Variants in TMEM186 observed in about 807,000 individuals in gnomAD.
The protein encoded by TMEM186 is transmembrane protein 186.
In TMEM186, 2 loss-of-function variants were observed where a neutral mutation model predicts 2.5. That is an observed-to-expected ratio of 0.79 (90% CI 0.32 to 2.50). The LOEUF is 2.50. TMEM186 is among the 30% of genes most tolerant of loss of function. The pLI is 0.11. For synonymous variants in TMEM186, 120 were observed against 104.9 expected, an observed-to-expected ratio of 1.14 and a Z score of -0.88; for missense variants, 321 against 276.5, an observed-to-expected ratio of 1.16 and a Z score of -1.14.
In TMEM186 at chr16:8,795,806, A is replaced by G; in HGVS notation, c.*146T>C. ...CTGTACACCAGCTCTTGCCTTGTGA[A>G]TTTATTCACCACAAAACACATGTTC... On this transcript the variant is annotated 3_prime_UTR_variant, in exon 2 of 2. Transcript: ENST00000333050. 2 of 988,486 alleles carry G rather than the reference A, an allele frequency of 2.0e-6. No homozygotes were observed. Among genetic ancestry groups the G allele is most frequent in the Admixed American group, 4.7e-5 (2 of 42,974 alleles). 61.2% of individuals were successfully genotyped at this position (988,486 alleles called of 1,614,324 possible).
chr16:8,797,583 C>G (rs1417591947), intron 1 of TMEM186, 29 bp downstream of exon 1: 1 of 1,600,606 alleles, frequency 6.2e-7, no homozygotes, highest in Non-Finnish European at 8.5e-7. Flanking sequence ...GAGCATCACC[C>G]CCTCAAGGCT....
At chr16:8,797,475 C>A (rs1444309457) in intron 1 of TMEM186, 137 bp downstream of exon 1, 15 of 1,171,196 alleles carry the variant, frequency 1.3e-5, no homozygotes, top group Admixed American at 2.7e-5. Context: ...CCGGGAAAAG[C>A]GAACTGTAAC....
Position 8,795,915 on chromosome 16 carries a change from C to T in TMEM186, c.*37G>A, listed in dbSNP as rs376903674. On this transcript the variant is annotated 3_prime_UTR_variant, in exon 2 of 2. Transcript: ENST00000333050. ...CCCTCAGCCTTCCTGTTAATCCAGG[C>T]GACCCAGGGTTACCCAGAGGTCCAG... The T allele has an allele frequency of 8.9e-6, 14 of 1,576,784 alleles. No homozygotes were observed. Among genetic ancestry groups the T allele is most frequent in the African/African-American group, 4.0e-5 (3 of 74,126 alleles).
Position 8,797,597 on chromosome 16 carries a change from C to T in TMEM186, c.3+15G>A, listed in dbSNP as rs1401223776. On this transcript the variant is annotated intron_variant, in intron 1 of 1. Coordinates refer to ENST00000333050, the MANE Select transcript of TMEM186 (RefSeq NM_015421.4). ...AGAGCATCACCCCCTCAAGGCTCGC[C>T]ACCCGCCTCCTTACCATGGCCCCAC... 2.5e-6 allele frequency: 4 copies of T among 1,603,610 alleles called. No homozygotes were observed. In the African/African-American group the frequency reaches 5.4e-5, roughly 22 times the overall value.
chr16:8,795,284 C>A lies in TMEM186; in HGVS notation c.*668G>T, dbSNP rs1004691426. 6.6e-6 allele frequency: 1 copy of A among 152,322 alleles called. No homozygotes were observed. The highest frequency in any genetic ancestry group is 2.4e-5 in the African/African-American group (1 of 41,426). 9.4% of individuals were successfully genotyped at this position (152,322 alleles called of 1,614,324 possible). On this transcript the variant is annotated 3_prime_UTR_variant, in exon 2 of 2. Coordinates refer to ENST00000333050, the MANE Select transcript of TMEM186 (RefSeq NM_015421.4). ...AACTGGGGTTTCGTGCCTACCTGGA[C>A]GACATCTGCTCGTCAATGTGTAGTT... is the stretch of plus-strand genomic sequence containing the variant.
At position 8,796,181 on chromosome 16, in the gene TMEM186, G is replaced by A. The variant is rs1176846891; in HGVS notation, c.413C>T (p.Thr138Ile). ...GTTCAGATGGGCCACCCGCAGCATGGTGCCAGACTCATTCAGATACAGGAT... is the reference window on the plus strand; with the variant it reads ...GTTCAGATGGGCCACCCGCAGCATGATGCCAGACTCATTCAGATACAGGAT... Reference protein sequence around the residue: ...VGILYLNESGTMLRVAHLNFW... With the variant: ...VGILYLNESGIMLRVAHLNFW... Residue 138 changes from threonine (T) to isoleucine (I), a missense_variant, in exon 2 of 2, where the codon ACC (threonine) becomes ATC (isoleucine). Transcript: ENST00000333050. 1.9e-6 allele frequency: 3 copies of A among 1,614,090 alleles called. No individual in the cohort carries two copies. Among genetic ancestry groups the A allele is most frequent in the African/African-American group, 1.3e-5 (1 of 74,926 alleles).
intron 1 of TMEM186, among the ~76,000 whole-genome samples, chr16:8,797,177 A>T (rs2060582227): frequency 6.6e-6 from 1 of 152,180 alleles, no homozygotes; most frequent in East Asian, 1.9e-4. Flanking sequence ...GGAGAAGGAG[A>T]AGGAGCGAGG....
rs1358340444 is a variant in TMEM186 at position 8,795,586 on chromosome 16, T to A, written c.*366A>T. 5.0e-6 allele frequency: 1 copy of A among 198,052 alleles called. No individual in the cohort carries two copies. Among genetic ancestry groups the A allele is most frequent in the Non-Finnish European group, 1.0e-5 (1 of 95,866 alleles). 12.3% of individuals were successfully genotyped at this position (198,052 alleles called of 1,614,324 possible). Reference sequence around the variant, plus strand: ...CCTGCTCCAGGACAAATGACAGAACTGAGACTTCTGACTCCAAATCTTACG... The same window carrying A: ...CCTGCTCCAGGACAAATGACAGAACAGAGACTTCTGACTCCAAATCTTACG... On this transcript the variant is annotated 3_prime_UTR_variant, in exon 2 of 2. Transcript: ENST00000333050.
chr16:8,795,970 T>G lies in TMEM186; in HGVS notation c.624A>C (p.Val208=), dbSNP rs757755583. The part of the protein sequence containing the change: ...DRERFTQVFG[V]HQMLK Reference sequence around the variant, plus strand: ...CAGTTGTTCACTTGAGCATCTGATGTACCCCAAACACCTGTGTGAAACGCT... The same window carrying G: ...CAGTTGTTCACTTGAGCATCTGATGGACCCCAAACACCTGTGTGAAACGCT... Residue 208 remains valine (V), a synonymous_variant, in exon 2 of 2, where the codon GTA becomes GTC. Coordinates refer to ENST00000333050, the MANE Select transcript of TMEM186 (RefSeq NM_015421.4). The G allele has an allele frequency of 3.7e-6, 6 of 1,612,910 alleles. No homozygotes were observed. The highest frequency in any genetic ancestry group is 5.1e-6 in the Non-Finnish European group (6 of 1,179,096).
intron 1 of TMEM186, 40 bp from the exon 2 acceptor site, chr16:8,796,630 A>C (rs766023392): frequency 1.3e-6 from 2 of 1,593,542 alleles, no homozygotes; most frequent in Middle Eastern, 1.7e-4. Flanking sequence ...CATGGAACTC[A>C]ACCACATTAA....
rs2060572475 is a variant in TMEM186 at position 8,795,967 on chromosome 16, A to AT, written c.626dup (p.His209GlnfsTer22). The AT allele has an allele frequency of 1.9e-6, 3 of 1,612,752 alleles. No individual in the cohort carries two copies. In the African/African-American group the frequency reaches 4.0e-5, roughly 22 times the overall value. Reference sequence around the variant, plus strand: ...TCCCAGTTGTTCACTTGAGCATCTGATGTACCCCAAACACCTGTGTGAAAC... The same window carrying AT: ...TCCCAGTTGTTCACTTGAGCATCTGATTGTACCCCAAACACCTGTGTGAAAC... On this transcript the variant is annotated frameshift_variant, in exon 2 of 2. Coordinates refer to ENST00000333050, the MANE Select transcript of TMEM186 (RefSeq NM_015421.4). LOFTEE classifies it high-confidence loss of function.
intron 1 of TMEM186, 41 bp from the exon 2 acceptor site, chr16:8,796,631 A>G (rs1027964125): frequency 1.3e-6 from 2 of 1,593,286 alleles, no homozygotes; most frequent in African/African-American, 2.7e-5. Context: ...ATGGAACTCA[A>G]CCACATTAAT....
Position 8,796,715 on chromosome 16 carries a change from A to G in TMEM186, c.4-125T>C, listed in dbSNP as rs115790058. ...CCTGCAAGGTAACCGTTATTGCCAG[A>G]CGAGGGAAGGGTAAAGCCAGATGCT... On this transcript the variant is annotated intron_variant, in intron 1 of 1. Transcript: ENST00000333050. 2.0e-3 allele frequency: 2,459 copies of G among 1,227,536 alleles called. 40 individuals are homozygous for G. The African/African-American group carries it at 0.034, about 17-fold the overall frequency. The allele number at this position is 1,227,536 out of a possible 1,614,324, so 76.0% of individuals were successfully genotyped here.
At position 8,796,454 on chromosome 16, in the gene TMEM186, T is replaced by C. The variant is rs767285026; in HGVS notation, c.140A>G (p.Lys47Arg). 19 of 1,614,098 alleles carry C rather than the reference T, an allele frequency of 1.2e-5. No individual in the cohort carries two copies. Among genetic ancestry groups the C allele is most frequent in the Non-Finnish European group, 1.6e-5 (19 of 1,180,042 alleles). ...TTTCTCAGTCTCTGCGTTTGGTAGT[T>C]TCTCCTTCGAGATGGGTGAACTGCT... Reference protein sequence around the residue: ...VGSSSPISKEKLPNAETEKFW... With the variant: ...VGSSSPISKERLPNAETEKFW... Residue 47 changes from lysine (K) to arginine (R), a missense_variant, in exon 2 of 2, where the codon AAA becomes AGA. Coordinates refer to ENST00000333050, the MANE Select transcript of TMEM186 (RefSeq NM_015421.4).
In TMEM186 at chr16:8,795,988, G is replaced by C. The variant is rs143358812; in HGVS notation, c.606C>G (p.Phe202Leu). ...TCTGATGTACCCCAAACACCTGTGTGAAACGCTCTCTGTCCAGGATGCGTC... is the reference window on the plus strand; with the variant it reads ...TCTGATGTACCCCAAACACCTGTGTCAAACGCTCTCTGTCCAGGATGCGTC... ...RYGRILDRER[F>L]TQVFGVHQML... The change falls in exon 2 of 2, where the codon TTC (phenylalanine) becomes TTG (leucine). Residue 202 changes from phenylalanine (F) to leucine (L), a missense_variant. Coordinates refer to ENST00000333050, the MANE Select transcript of TMEM186 (RefSeq NM_015421.4). 4 of 1,614,048 alleles carry C rather than the reference G, an allele frequency of 2.5e-6. No homozygotes were observed. The African/African-American group carries it at 5.3e-5, about 22-fold the overall frequency.
chr16:8,796,598 G>T lies in TMEM186; in HGVS notation c.4-8C>A. On this transcript the variant is annotated splice_region_variant and splice_polypyrimidine_tract_variant and intron_variant, in intron 1 of 1. Coordinates refer to ENST00000333050, the MANE Select transcript of TMEM186 (RefSeq NM_015421.4). ...AGCTCGGAGAAGGGCAGCCTGAAAG[G>T]GAGACAGTAGACCATTTCTCTCATG... is the stretch of plus-strand genomic sequence containing the variant. 1 of 1,608,950 alleles carries T rather than the reference G, an allele frequency of 6.2e-7. No homozygotes were observed.
rs146839978 is a variant in TMEM186 at position 8,795,999 on chromosome 16, T to C, written c.595A>G (p.Arg199Gly). 2.0e-5 allele frequency: 33 copies of C among 1,614,086 alleles called. No homozygotes were observed. Among genetic ancestry groups the C allele is most frequent in the African/African-American group, 1.7e-4 (13 of 74,950 alleles). The change falls in exon 2 of 2, where the codon AGA (arginine) becomes GGA (glycine). Residue 199 changes from arginine (R) to glycine (G), a missense_variant. Arg to Gly is a moderately radical substitution (Grantham distance 125). Coordinates refer to ENST00000333050, the MANE Select transcript of TMEM186 (RefSeq NM_015421.4). ...VTLRYGRILD[R>G]ERFTQVFGVH... ...CCAAACACCTGTGTGAAACGCTCTC[T>C]GTCCAGGATGCGTCCATAGCGCAGG...
rs140642498 is a variant in TMEM186, at chr16:8,796,429, T to G, written c.165A>C (p.Lys55Asn). Residue 55 changes from lysine (K) to asparagine (N), a missense_variant, in exon 2 of 2, where the codon AAA (lysine) becomes AAC (asparagine). Coordinates refer to ENST00000333050, the MANE Select transcript of TMEM186 (RefSeq NM_015421.4). ...CATCAAAACGGTAAAACATCCAGAA[T>G]TTCTCAGTCTCTGCGTTTGGTAGTT... The part of the protein sequence containing the change: ...KEKLPNAETE[K>N]FWMFYRFDAI... The G allele has an allele frequency of 6.8e-6, 11 of 1,614,072 alleles. No individual in the cohort carries two copies. In the African/African-American group the frequency reaches 1.5e-4, roughly 22 times the overall value.
At position 8,796,255 on chromosome 16, in the gene TMEM186, G is replaced by C; in HGVS notation, c.339C>G (p.Ala113=). The change falls in exon 2 of 2, where the codon GCC becomes GCG. Residue 113 remains alanine, a synonymous_variant. Transcript: ENST00000333050. ...VCLMSGISGF[A]LTMLCWMSYF... Reference sequence around the variant, plus strand: ...AGCTCATCCAGCACAGCATGGTCAGGGCAAAGCCCGATATCCCACTCATGA... The same window carrying C: ...AGCTCATCCAGCACAGCATGGTCAGCGCAAAGCCCGATATCCCACTCATGA... 3 of 1,614,188 alleles carry C rather than the reference G, an allele frequency of 1.9e-6. No individual in the cohort carries two copies. Among genetic ancestry groups the C allele is most frequent in the Non-Finnish European group, 2.5e-6 (3 of 1,180,050 alleles).
Sources: gnomAD v4.1 joint callset for allele counts (sites outside exome capture counted in the v4.1 genomes callset) on GRCh38, gnomAD v4.1.1 for gene constraint, MANE v1.5 for transcripts, NCBI Gene and HGNC (gene_info 2026-07-23, HGNC 2026-07-21) for gene names.